TULP4: variants seen among roughly 807,000 people sequenced by gnomAD.
TULP4 encodes the protein TUB like protein 4, also known as tubby-related protein 4.
In TULP4, 16 loss-of-function variants were observed where a neutral mutation model predicts 129.0. That is an observed-to-expected ratio of 0.12 (90% CI 0.08 to 0.19). TULP4 has a LOEUF of 0.19. TULP4 is among the 10% of genes least tolerant of loss of function. The pLI is 1.00. For synonymous variants in TULP4, 998 were observed against 854.0 expected (o/e 1.17, Z -2.94); for missense variants, 1,842 against 2,059.1 (o/e 0.89, Z 2.04).
intron 1 of TULP4, among the ~76,000 whole-genome samples, chr6:158,338,198 G>A (rs1347241653): frequency 1.3e-5 from 2 of 152,144 alleles, no homozygotes; most frequent in Non-Finnish European, 1.5e-5. Flanking sequence ...GAGTGCAGTA[G>A]TGTGATCATA....
At chr6:158,483,069 G>A (rs191070956) in intron 8 of TULP4, among the ~76,000 whole-genome samples, 3 of 152,340 alleles carry the variant, frequency 2.0e-5, no homozygotes, top group Admixed American at 2.0e-4. Context: ...CCTACCTTGT[G>A]TGGGGTACTT....
At chr6:158,248,613 G>A (rs1778077797) in intron 1 of TULP4, among the ~76,000 whole-genome samples, 1 of 152,086 alleles carries the variant, frequency 6.6e-6, no homozygotes, top group Admixed American at 6.6e-5. Context: ...GCATGGTGGT[G>A]CACCTGTGTC....
At chr6:158,459,132 G>A (rs1031977429) in intron 5 of TULP4, among the ~76,000 whole-genome samples, 5 of 152,270 alleles carry the variant, frequency 3.3e-5, no homozygotes, top group African/African-American at 1.2e-4. Context: ...CTTTGCACCT[G>A]CATTAGAAGA....
intron 1 of TULP4, among the ~76,000 whole-genome samples, chr6:158,296,461 G>T (rs1779034358): frequency 6.6e-6 from 1 of 151,654 alleles, no homozygotes; most frequent in African/African-American, 2.4e-5. Flanking sequence ...TTTATTAAGG[G>T]TTTCAAAAGG....
At chr6:158,318,074 G>A (rs963106710) in intron 1 of TULP4, among the ~76,000 whole-genome samples, 9 of 152,144 alleles carry the variant, frequency 5.9e-5, no homozygotes, top group African/African-American at 1.9e-4. Context: ...TGTCAGATAG[G>A]TAGATTGCAA....
chr6:158,420,503 C>A, intron 2 of TULP4, among the ~76,000 whole-genome samples: 1 of 152,142 alleles, frequency 6.6e-6, no homozygotes, highest in East Asian at 1.9e-4. Context: ...TGTTTTCTGA[C>A]CGAGTTTCAT....
intron 1 of TULP4, among the ~76,000 whole-genome samples, chr6:158,330,926 T>C (rs1779864462): frequency 6.6e-6 from 1 of 152,224 alleles, no homozygotes; most frequent in South Asian, 2.1e-4. Context: ...GTTTTTGTTA[T>C]TAAATTTAGA....
Position 158,503,323 on chromosome 6 carries a change from A to G in TULP4, c.3660A>G (p.Gln1220=). 4 of 1,613,708 alleles carry G rather than the reference A, an allele frequency of 2.5e-6. No individual in the cohort carries two copies. Among genetic ancestry groups the G allele is most frequent in the Non-Finnish European group, 3.4e-6 (4 of 1,179,928 alleles). ...CCCTGTCCCCAACGCAGTTTGCACA[A>G]CAGGAGCCTGCTGTGGTCCTTCAGC... ...KDALSPTQFA[Q]QEPAVVLQPL... is the part of the protein sequence containing the mutation. The change falls in exon 13 of 14, where the codon CAA becomes CAG. Residue 1220 remains glutamine, a synonymous_variant. Coordinates refer to ENST00000367097, the MANE Select transcript of TULP4 (RefSeq NM_020245.5). The surrounding 1 kb of genome is among the most constrained non-coding windows in gnomAD (Gnocchi z 4.3).
intron 1 of TULP4, among the ~76,000 whole-genome samples, chr6:158,365,718 G>A (rs537090031): frequency 1.8e-4 from 27 of 151,314 alleles, no homozygotes; most frequent in Middle Eastern, 3.4e-3. Flanking sequence ...TGATCCGCCC[G>A]CCTTGGCCTC....
chr6:158,388,054 T>G (rs1777490880), intron 1 of TULP4, among the ~76,000 whole-genome samples: 1 of 152,190 alleles, frequency 6.6e-6, no homozygotes, highest in African/African-American at 2.4e-5. Context: ...TTCTACTGTC[T>G]TATTTAGTAC....
intron 1 of TULP4, among the ~76,000 whole-genome samples, chr6:158,271,009 G>A (rs543122033): frequency 6.6e-6 from 1 of 152,172 alleles, no homozygotes; most frequent in East Asian, 1.9e-4. Context: ...AATTACCCAG[G>A]CATGGTGGCA....
At chr6:158,351,520 C>T (rs1780519301) in intron 1 of TULP4, among the ~76,000 whole-genome samples, 1 of 152,110 alleles carries the variant, frequency 6.6e-6, no homozygotes, top group East Asian at 1.9e-4. Context: ...ATACTGTGTT[C>T]TTAAGATATG....
intron 2 of TULP4, among the ~76,000 whole-genome samples, chr6:158,423,135 G>GGA (rs1778391423): frequency 8.0e-6 from 1 of 124,346 alleles, no homozygotes; most frequent in Non-Finnish European, 1.8e-5. Context: ...GGGGGGGGGG[G>GGA]AAAGAAACCT....
chr6:158,300,798 A>G (rs1779117611), intron 1 of TULP4, among the ~76,000 whole-genome samples: 1 of 152,236 alleles, frequency 6.6e-6, no homozygotes, highest in Non-Finnish European at 1.5e-5. Flanking sequence ...GGTCTCTGGG[A>G]TTAATGCCAG....
chr6:158,269,924 G>C (rs181256143), intron 1 of TULP4, among the ~76,000 whole-genome samples: 68 of 152,278 alleles, frequency 4.5e-4, no homozygotes, highest in Admixed American at 9.1e-4. Context: ...GTCTTCACAG[G>C]GTTGCTCCCT....
intron 4 of TULP4, among the ~76,000 whole-genome samples, chr6:158,450,678 C>T (rs996367160): frequency 6.6e-6 from 1 of 151,700 alleles, no homozygotes; most frequent in Non-Finnish European, 1.5e-5. Context: ...GTCTTCATCA[C>T]ATGGACTCAG....
intron 6 of TULP4, among the ~76,000 whole-genome samples, chr6:158,473,905 C>A (rs1371554927): frequency 5.3e-5 from 8 of 151,972 alleles, no homozygotes; most frequent in Non-Finnish European, 1.2e-4. Context: ...GTAGCCTCAA[C>A]CTCCTGGGCT....
chr6:158,395,090 AG>A (rs945677087), intron 1 of TULP4, among the ~76,000 whole-genome samples: 6 of 152,272 alleles, frequency 3.9e-5, no homozygotes, highest in Non-Finnish European at 7.4e-5. Flanking sequence ...ACCTCCCACC[AG>A]GTCCCTCCTC....
intron 1 of TULP4, among the ~76,000 whole-genome samples, chr6:158,233,048 A>G (rs1009305228): frequency 1.3e-5 from 2 of 152,226 alleles, no homozygotes; most frequent in Non-Finnish European, 2.9e-5. Flanking sequence ...GCTTGGGGCA[A>G]TTAGCTGGGA....
Sources: allele counts gnomAD v4.1 joint callset (sites outside exome capture counted in the v4.1 genomes callset), GRCh38; gene constraint gnomAD v4.1.1; non-coding constraint Gnocchi (gnomAD v3.1); transcripts MANE v1.5; gene names NCBI Gene and HGNC (gene_info 2026-07-23, HGNC 2026-07-21).